MICAL3: variants seen among roughly 807,000 people sequenced by gnomAD.
The protein encoded by MICAL3 is [F-actin]-monooxygenase MICAL3.
A neutral mutation model predicts 207.4 loss-of-function variants in MICAL3; 62 were observed. That is an observed-to-expected ratio of 0.30 (90% CI 0.24 to 0.37). The LOEUF is 0.37. MICAL3 is among the 10% of genes least tolerant of loss of function. The probability of loss-of-function intolerance (pLI) is 1.00; values close to 1 mark genes in which losing one functional copy is unlikely to be tolerated. For synonymous variants in MICAL3, 1,077 were observed against 1,069.3 expected, an observed-to-expected ratio of 1.01 and a Z score of -0.14; for missense variants, 2,368 against 2,635.6, an observed-to-expected ratio of 0.90 and a Z score of 2.22.
chr22:17,992,530 G>T (rs1163437486), intron 1 of MICAL3, among the ~76,000 whole-genome samples: 1 of 152,114 alleles, frequency 6.6e-6, no homozygotes, highest in Non-Finnish European at 1.5e-5. Flanking sequence ...CTTACCACGT[G>T]GCACTTACAT....
Position 17,880,963 on chromosome 22 carries a change from C to T in MICAL3, c.2241+4915G>A, listed in dbSNP as rs114306137. On this transcript the variant is annotated intron_variant, in intron 16 of 31. Transcript: ENST00000441493. ...ATCAATTACAGTTGAACTTCTAGTT[C>T]GTGGTGGGACAGTCGTGTTTCCATG... is the stretch of plus-strand genomic sequence containing the variant. Among the ~76,000 whole-genome samples, 341 of 152,324 alleles carry T rather than the reference C, an allele frequency of 2.2e-3. 2 individuals are homozygous for T. Among genetic ancestry groups the T allele is most frequent in the African/African-American group, 7.6e-3 (318 of 41,576 alleles).
rs770210918 is a variant in MICAL3 at position 17,818,856 on chromosome 22, C to T, written c.3805G>A (p.Glu1269Lys). 8 of 1,219,860 alleles carry T rather than the reference C, an allele frequency of 6.6e-6. No homozygotes were observed. Among genetic ancestry groups the T allele is most frequent in the South Asian group, 2.9e-5 (2 of 69,460 alleles). 75.6% of individuals were successfully genotyped at this position (1,219,860 alleles called of 1,614,324 possible). A position where few individuals can be genotyped will look rare whatever the true frequency, so the allele number is the denominator to read the frequency against. The change falls in exon 26 of 32, where the codon GAG becomes AAG. Residue 1269 changes from glutamate to lysine, a missense_variant. Around this residue, in one of 4 missense-constraint regions of MICAL3, gnomAD observed 1,770 missense variants for 1,863.2 expected, o/e 0.95. Coordinates refer to ENST00000441493, the MANE Select transcript of MICAL3 (RefSeq NM_015241.3). ...TGGGTAGGGGATGGGACAGTGGCCT[C>T]GGTGGAAGGCTGGGGCTGGGAGCAG... is the stretch of plus-strand genomic sequence containing the variant. ...PICSQPQPST[E>K]ATVPSPTQSP...
At chr22:17,851,584 A>G (rs1925347292) in intron 19 of MICAL3, among the ~76,000 whole-genome samples, 2 of 152,188 alleles carry the variant, frequency 1.3e-5, no homozygotes, top group Non-Finnish European at 2.9e-5. Flanking sequence ...TATAATGTTG[A>G]GCATATTCTG....
Position 17,816,793 on chromosome 22 carries a change from A to G in MICAL3, c.5351-9T>C, listed in dbSNP as rs1161810214. 6.5e-7 allele frequency: 1 copy of G among 1,547,170 alleles called. No individual in the cohort carries two copies. The highest frequency in any genetic ancestry group is 8.7e-7 in the Non-Finnish European group (1 of 1,144,920). ...GCGCCGGAGCTGCAGCTCTGTGGAGAGAGGGAGGCCACGTGAGGACAGCGC... is the reference window on the plus strand; with the variant it reads ...GCGCCGGAGCTGCAGCTCTGTGGAGGGAGGGAGGCCACGTGAGGACAGCGC... On this transcript the variant is annotated splice_polypyrimidine_tract_variant and intron_variant, in intron 26 of 31. Transcript: ENST00000441493.
rs11913706 is a variant in MICAL3, at chr22:17,906,782, G to C, written c.31C>G (p.Pro11Ala). The C allele has an allele frequency of 0.093, 149,250 of 1,611,884 alleles. 8,124 individuals carry two copies. The highest frequency in any genetic ancestry group is 0.12 in the Middle Eastern group (749 of 6,042). The change falls in exon 2 of 32, where the codon CCA (proline) becomes GCA (alanine). Residue 11 changes from proline to alanine, a missense_variant. Coordinates refer to ENST00000441493, the MANE Select transcript of MICAL3 (RefSeq NM_015241.3). Reference sequence around the variant, plus strand: ...AACCGGTCAAAGAGGACATGAGCTGGGTTCATGGTCTCATGCTTCCTCTCC... The same window carrying C: ...AACCGGTCAAAGAGGACATGAGCTGCGTTCATGGTCTCATGCTTCCTCTCC... MEERKHETMN[P>A]AHVLFDRFVQ...
intron 1 of MICAL3, among the ~76,000 whole-genome samples, chr22:17,907,913 G>A (rs1241526417): frequency 1.3e-5 from 2 of 152,214 alleles, no homozygotes; most frequent in Non-Finnish European, 2.9e-5. Context: ...TTGAACAGCA[G>A]TAAATGACGA....
At chr22:17,824,090 A>G (rs1011505305) in intron 22 of MICAL3, among the ~76,000 whole-genome samples, 1 of 142,548 alleles carries the variant, frequency 7.0e-6, no homozygotes, top group Non-Finnish European at 1.5e-5. Context: ...GCACGCACAC[A>G]CCGTCCCCAC....
intron 19 of MICAL3, chr22:17,862,951 G>A: frequency 1.0e-6 from 1 of 985,226 alleles, no homozygotes; most frequent in Non-Finnish European, 1.2e-6. Flanking sequence ...TCACCTTCTG[G>A]CTCAGAATCA....
intron 28 of MICAL3, 122 bp from the exon 29 acceptor site, chr22:17,809,059 T>C: frequency 3.7e-6 from 3 of 805,226 alleles, no homozygotes; most frequent in East Asian, 5.5e-5. Context: ...CTCTAGTCTG[T>C]GGGCGGTGCG....
Position 17,829,165 on chromosome 22 carries a change from CTT to C in MICAL3, c.3056-1386_3056-1385del, listed in dbSNP as rs11345969. Among the ~76,000 whole-genome samples the C allele has an allele frequency of 2.7e-3, 346 of 127,552 alleles. 1 individual carries two copies. The highest frequency in any genetic ancestry group is 4.0e-3 in the Non-Finnish European group (242 of 60,078). The allele number at this position is 127,552 out of a possible 152,430, so 83.7% of individuals were successfully genotyped here. A position where few individuals can be genotyped will look rare whatever the true frequency, so the allele number is the denominator to read the frequency against. ...TGGACTTTTTCTGAGGTGAATTTGC[CTT>C]TTTTTTTTTTTTTTTTGAGACGAAG... On this transcript the variant is annotated intron_variant, in intron 21 of 31. Coordinates refer to ENST00000441493, the MANE Select transcript of MICAL3 (RefSeq NM_015241.3).
chr22:17,873,594 G>C (rs1333708342), intron 16 of MICAL3, among the ~76,000 whole-genome samples: 1 of 152,262 alleles, frequency 6.6e-6, no homozygotes, highest in African/African-American at 2.4e-5. Flanking sequence ...ATGCAGCCAA[G>C]CTGCTCCACC....
At chr22:17,896,438 G>T (rs895044125) in intron 8 of MICAL3, 77 bp from the exon 9 acceptor site, 2 of 961,160 alleles carry the variant, frequency 2.1e-6, no homozygotes, top group Non-Finnish European at 3.2e-6. Flanking sequence ...AAGGAACAAA[G>T]AGTTTGCTGT....
intron 19 of MICAL3, among the ~76,000 whole-genome samples, chr22:17,847,198 G>A (rs981610535): frequency 6.6e-6 from 1 of 152,208 alleles, no homozygotes; most frequent in African/African-American, 2.4e-5. Context: ...AGACACTTCA[G>A]GGCTCCGCGC....
At chr22:17,874,625 G>A (rs1928080770) in intron 16 of MICAL3, among the ~76,000 whole-genome samples, 1 of 152,220 alleles carries the variant, frequency 6.6e-6, no homozygotes, top group South Asian at 2.1e-4. Context: ...AGTTCTATTT[G>A]TTTCTGGCAT....
intron 16 of MICAL3, chr22:17,875,682 T>TAAA (rs60415785): frequency 0.2 from 33,958 of 169,948 alleles, 4,197 homozygotes; most frequent in Admixed American, 0.25. Context: ...CCATGTATAG[T>TAAA]AAAAAAAAAA....
At chr22:17,936,356 A>G (rs1393832868) in intron 1 of MICAL3, among the ~76,000 whole-genome samples, 2 of 152,124 alleles carry the variant, frequency 1.3e-5, no homozygotes, top group Non-Finnish European at 2.9e-5. Context: ...GTTCTCACTC[A>G]TAGGTGGGAA....
intron 20 of MICAL3, 62 bp from the exon 21 acceptor site, chr22:17,832,169 GGAAGGGCCACCATCA>G: frequency 1.3e-6 from 2 of 1,530,590 alleles, no homozygotes. Flanking sequence ...AAGGGGAAGG[GGAAGGGCCACCATCA>G]GAAACAATGC....
chr22:17,891,657 T>C (rs751548407), intron 11 of MICAL3, 25 bp from the exon 12 acceptor site: 9 of 1,609,646 alleles, frequency 5.6e-6, no homozygotes, highest in East Asian at 2.2e-5. Context: ...CACAGTATTA[T>C]TGGAGGTGTG....
chr22:17,959,014 T>TTG (rs1376701954), intron 1 of MICAL3, among the ~76,000 whole-genome samples: 3 of 129,184 alleles, frequency 2.3e-5, no homozygotes, highest in Non-Finnish European at 4.8e-5. Flanking sequence ...CCTGGGGTTT[T>TTG]TTTTTTTTTT....
Sources: allele counts gnomAD v4.1 joint callset (sites outside exome capture counted in the v4.1 genomes callset), GRCh38; gene constraint gnomAD v4.1.1; regional missense constraint gnomAD v4.1.1; transcripts MANE v1.5; gene names NCBI Gene and HGNC (gene_info 2026-07-23, HGNC 2026-07-21).